The following NAA25 variants were observed in gnomAD, a reference collection of about 807,000 sequenced individuals.
NAA25 encodes N-terminal acetyltransferase B complex subunit NAA25.
NAA25 carries 30 observed loss-of-function variants against 132.5 expected under a neutral mutation model. That is an observed-to-expected ratio of 0.23 (90% CI 0.17 to 0.31). The LOEUF (loss-of-function observed/expected upper bound fraction) is 0.31, where lower values mean the gene tolerates loss of function less well. NAA25 is among the 10% of genes least tolerant of loss of function. NAA25 has a pLI of 1.00. For missense variants in NAA25, 771 were observed against 1,150.4 expected, an observed-to-expected ratio of 0.67 and a Z score of 4.77; for synonymous variants, 359 against 401.9, an observed-to-expected ratio of 0.89 and a Z score of 1.28.
In NAA25 at chr12:112,053,549, T is replaced by G; in HGVS notation, c.1728+9A>C. On this transcript the variant is annotated intron_variant, in intron 15 of 23. Transcript: ENST00000261745. ...CAAGATCACAGTTAAAAAATAGTTT[T>G]TCACTTACATCTTTCTGGTTGGAGT... 6.3e-7 allele frequency: 1 copy of G among 1,588,916 alleles called. No individual in the cohort carries two copies. Among genetic ancestry groups the G allele is most frequent in the Non-Finnish European group, 8.6e-7 (1 of 1,161,646 alleles).
chr12:112,107,400 T>C (rs1170421531), intron 1 of NAA25, among the ~76,000 whole-genome samples: 2 of 151,552 alleles, frequency 1.3e-5, no homozygotes, highest in Non-Finnish European at 2.9e-5. Context: ...TTTGTTGTTG[T>C]TGTTGTTAAA....
At chr12:112,056,885 T>C (rs1474098248) in intron 13 of NAA25, among the ~76,000 whole-genome samples, 1 of 152,184 alleles carries the variant, frequency 6.6e-6, no homozygotes, top group Non-Finnish European at 1.5e-5. Context: ...TGACAATAAC[T>C]GTATTATTAA....
At chr12:112,101,526 G>A (rs2079296370) in intron 1 of NAA25, among the ~76,000 whole-genome samples, 1 of 152,132 alleles carries the variant, frequency 6.6e-6, no homozygotes, top group African/African-American at 2.4e-5. Context: ...GGAGGCCGAG[G>A]AAGGTGGATT....
intron 10 of NAA25, 35 bp from the exon 11 acceptor site, chr12:112,069,027 A>G: frequency 8.5e-7 from 1 of 1,175,284 alleles, no homozygotes; most frequent in Non-Finnish European, 1.2e-6. Flanking sequence ...TTTATTACTC[A>G]TGAACAGAAG....
chr12:112,102,775 C>T (rs930918002), intron 1 of NAA25, among the ~76,000 whole-genome samples: 2 of 151,710 alleles, frequency 1.3e-5, no homozygotes, highest in African/African-American at 4.8e-5. Flanking sequence ...CAACCTCCGC[C>T]TCCTGGGTTC....
chr12:112,062,825 T>C (rs2078655891), intron 11 of NAA25, among the ~76,000 whole-genome samples: 1 of 151,992 alleles, frequency 6.6e-6, no homozygotes, highest in South Asian at 2.1e-4. Context: ...GGAGAATCAC[T>C]TGTGCTCAAG....
At chr12:112,042,606 A>C (rs1340060728) in intron 19 of NAA25, among the ~76,000 whole-genome samples, 1 of 151,700 alleles carries the variant, frequency 6.6e-6, no homozygotes, top group Non-Finnish European at 1.5e-5. Context: ...TCCCTGGTTC[A>C]AGCGATTCTC....
chr12:112,035,914 G>A (rs1299787901), intron 22 of NAA25, among the ~76,000 whole-genome samples: 3 of 151,922 alleles, frequency 2.0e-5, no homozygotes, highest in Admixed American at 6.6e-5. Context: ...CAAAACTCCC[G>A]GGCTCAAGCA....
rs1356858650 is a variant in NAA25 at position 112,033,390 on chromosome 12, G to C, written c.2650-11C>G. The stretch of plus-strand genomic sequence containing the variant: ...GGTAAAGACAGGTGGCTGGGAAAAA[G>C]ATTAAAAAAGAGTTGAAACATTATC... On this transcript the variant is annotated splice_polypyrimidine_tract_variant and intron_variant, in intron 22 of 23. Coordinates refer to ENST00000261745, the MANE Select transcript of NAA25 (RefSeq NM_024953.4). The C allele has an allele frequency of 6.3e-7, 1 of 1,588,898 alleles. No homozygotes were observed. The highest frequency in any genetic ancestry group is 8.5e-7 in the Non-Finnish European group (1 of 1,171,828).
At chr12:112,043,292 T>C (rs1348358363) in intron 18 of NAA25, 81 bp from the exon 19 acceptor site, 2 of 1,425,200 alleles carry the variant, frequency 1.4e-6, no homozygotes, top group African/African-American at 2.9e-5. Flanking sequence ...AACTAGTAGA[T>C]AAAAACCTGT....
intron 5 of NAA25, 132 bp from the exon 6 acceptor site, chr12:112,078,873 C>A: frequency 1.5e-6 from 1 of 672,570 alleles, no homozygotes. Flanking sequence ...AATTCCCTGC[C>A]AAGGAGGTAC....
At chr12:112,072,279 C>T (rs987666111) in intron 9 of NAA25, among the ~76,000 whole-genome samples, 4 of 152,018 alleles carry the variant, frequency 2.6e-5, no homozygotes, top group Admixed American at 6.6e-5. Context: ...CATAACTTAC[C>T]TTTTTAAAAA....
chr12:112,038,024 T>C (rs915027459), intron 22 of NAA25, among the ~76,000 whole-genome samples: 2 of 152,166 alleles, frequency 1.3e-5, no homozygotes, highest in African/African-American at 4.8e-5. Flanking sequence ...TACTGATTTT[T>C]TTTTCCTGAG....
chr12:112,063,903 C>G (rs148204211), intron 11 of NAA25: 1 of 152,170 alleles, frequency 6.6e-6, no homozygotes, highest in East Asian at 1.9e-4. Context: ...TTATACAGTA[C>G]ATGTATTTCT....
intron 1 of NAA25, 23 bp from the exon 2 acceptor site, chr12:112,093,159 A>C: frequency 1.5e-6 from 2 of 1,366,288 alleles, no homozygotes; most frequent in Non-Finnish European, 2.1e-6. Context: ...AAATTATGTG[A>C]CAGTTATTAT....
Position 112,040,496 on chromosome 12 carries a change from T to C in NAA25, c.2523A>G (p.Leu841=), listed in dbSNP as rs1177637825. 6.3e-7 allele frequency: 1 copy of C among 1,587,222 alleles called. No homozygotes were observed. The highest frequency in any genetic ancestry group is 8.6e-7 in the Non-Finnish European group (1 of 1,158,966). ...LKTHPTLLEN[L]VFFVETISVI... Reference sequence around the variant, plus strand: ...AAAAACTTACCTCAACAAAGAAAACTAGATTTTCTAAAAGAGTAGGATGTG... The same window carrying C: ...AAAAACTTACCTCAACAAAGAAAACCAGATTTTCTAAAAGAGTAGGATGTG... The change falls in exon 21 of 24, where the codon CTA becomes CTG. Residue 841 remains leucine (L), a synonymous_variant. Coordinates refer to ENST00000261745, the MANE Select transcript of NAA25 (RefSeq NM_024953.4).
rs2078287303 is a variant in NAA25, at chr12:112,040,521, G to A, written c.2498C>T (p.Thr833Ile). 6.2e-7 allele frequency: 1 copy of A among 1,605,306 alleles called. No homozygotes were observed. The highest frequency in any genetic ancestry group is 1.3e-5 in the African/African-American group (1 of 74,682). ...TAGATTTTCTAAAAGAGTAGGATGT[G>A]TTTTCAAGTTACCATCTTTAACTTC... ...LLEVKDGNLK[T>I]HPTLLENLVF... Residue 833 changes from threonine to isoleucine, a missense_variant, in exon 21 of 24, where the codon ACA (threonine) becomes ATA (isoleucine). By Grantham distance (89) the Thr-to-Ile change is moderately conservative. Around this residue, in one of 3 missense-constraint regions of NAA25, gnomAD observed 324 missense variants for 400.0 expected, o/e 0.81. Transcript: ENST00000261745.
At chr12:112,033,546 C>A (rs1001080783) in intron 22 of NAA25, 167 bp from the exon 23 acceptor site, 17 of 444,728 alleles carry the variant, frequency 3.8e-5, no homozygotes, top group Non-Finnish European at 4.9e-5. Context: ...TTTGGAGATA[C>A]AAAATAACAC....
intron 10 of NAA25, among the ~76,000 whole-genome samples, chr12:112,069,467 C>T (rs905571648): frequency 4.6e-5 from 7 of 152,254 alleles, no homozygotes; most frequent in Middle Eastern, 3.4e-3. Flanking sequence ...CATGCCACTG[C>T]ACTCCATCCT....
Sources: gnomAD v4.1 joint callset for allele counts (sites outside exome capture counted in the v4.1 genomes callset) on GRCh38, gnomAD v4.1.1 for gene constraint, gnomAD v4.1.1 regional missense constraint, MANE v1.5 for transcripts, NCBI Gene and HGNC (gene_info 2026-07-23, HGNC 2026-07-21) for gene names.